The following HPSE2 variants were observed in gnomAD, a reference collection of about 807,000 sequenced individuals.
The protein encoded by HPSE2 is heparanase 2 (inactive).
Under a neutral mutation model 60.5 loss-of-function variants are expected in HPSE2, and 38 were observed. That is an observed-to-expected ratio of 0.63 (90% confidence interval 0.48 to 0.82). HPSE2 has a LOEUF of 0.82. Ranked by LOEUF, HPSE2 falls within the 40% of genes least tolerant of loss-of-function variation. The probability of loss-of-function intolerance (pLI) is 0.00; values close to 1 mark genes in which losing one functional copy is unlikely to be tolerated. For missense variants in HPSE2, 713 were observed against 740.4 expected, an observed-to-expected ratio of 0.96 and a Z score of 0.43; for synonymous variants, 295 against 293.2, an observed-to-expected ratio of 1.01 and a Z score of -0.06.
At chr10:98,588,705 C>A (rs1945004992) in intron 9 of HPSE2, among the ~76,000 whole-genome samples, 1 of 151,790 alleles carries the variant, frequency 6.6e-6, no homozygotes, top group Non-Finnish European at 1.5e-5. Flanking sequence ...TCTAACAGCA[C>A]CCAGCACAGC....
At chr10:98,692,901 G>A (rs1304481571) in intron 6 of HPSE2, among the ~76,000 whole-genome samples, 1 of 152,200 alleles carries the variant, frequency 6.6e-6, no homozygotes, top group East Asian at 1.9e-4. Flanking sequence ...TTGATTGCCA[G>A]CAAACAAAAA....
intron 9 of HPSE2, among the ~76,000 whole-genome samples, chr10:98,614,588 G>A (rs1335221296): frequency 2.0e-5 from 3 of 151,936 alleles, no homozygotes; most frequent in African/African-American, 4.8e-5. Context: ...CACCGTGCCC[G>A]GCCTGGATTG....
At chr10:98,524,643 T>C (rs868737689) in intron 9 of HPSE2, among the ~76,000 whole-genome samples, 12 of 152,352 alleles carry the variant, frequency 7.9e-5, no homozygotes, top group Middle Eastern at 3.4e-3. Context: ...CCTTACTTAT[T>C]AATCTGAAGG....
chr10:98,663,651 G>C (rs1947283362), intron 6 of HPSE2, among the ~76,000 whole-genome samples: 1 of 152,122 alleles, frequency 6.6e-6, no homozygotes, highest in South Asian at 2.1e-4. Flanking sequence ...CAACCACCAG[G>C]TGATCACAGT....
chr10:98,584,050 A>C (rs941155566), intron 9 of HPSE2, among the ~76,000 whole-genome samples: 1 of 152,164 alleles, frequency 6.6e-6, no homozygotes, highest in African/African-American at 2.4e-5. Flanking sequence ...GGCATATGGT[A>C]ACTCTGTTTA....
chr10:98,943,226 T>TATA (rs1203385334), intron 3 of HPSE2, among the ~76,000 whole-genome samples: 5 of 150,656 alleles, frequency 3.3e-5, no homozygotes, highest in Admixed American at 1.3e-4. Flanking sequence ...AAACTTAAAG[T>TATA]ATAATAATAA....
intron 9 of HPSE2, among the ~76,000 whole-genome samples, chr10:98,600,215 G>A (rs1368958460): frequency 6.6e-6 from 1 of 152,112 alleles, no homozygotes; most frequent in African/African-American, 2.4e-5. Flanking sequence ...ATAATGACAA[G>A]TTTACAAATG....
intron 5 of HPSE2, among the ~76,000 whole-genome samples, chr10:98,721,101 G>C (rs769244792): frequency 6.6e-6 from 1 of 151,884 alleles, no homozygotes; most frequent in Non-Finnish European, 1.5e-5. Context: ...AAAAATTCCT[G>C]ATCAGTATCT....
intron 3 of HPSE2, among the ~76,000 whole-genome samples, chr10:98,828,624 G>C (rs960668081): frequency 6.6e-6 from 1 of 152,134 alleles, no homozygotes; most frequent in African/African-American, 2.4e-5. Flanking sequence ...AATCATTCAG[G>C]AAATGCAAAT....
At chr10:99,301,532 C>T in the HPSE2 span, among the ~76,000 whole-genome samples, 7 of 152,220 alleles carry the variant, frequency 4.6e-5, no homozygotes, top group Admixed American at 3.3e-4. Flanking sequence ...CCACATGGAA[C>T]TGTAAGTCCA....
At chr10:99,286,336 A>T in the HPSE2 span, among the ~76,000 whole-genome samples, 1 of 152,226 alleles carries the variant, frequency 6.6e-6, no homozygotes, top group Non-Finnish European at 1.5e-5. Flanking sequence ...CTATCATCAG[A>T]TGAATGGATA....
At chr10:98,782,927 T>TTTA (rs1554993733) in intron 3 of HPSE2, among the ~76,000 whole-genome samples, 63 of 6,572 alleles carry the variant, frequency 9.6e-3, no homozygotes, top group African/African-American at 0.016. Context: ...TTTTTTTTTA[T>TTTA]TTTTTTTTTT....
chr10:99,026,003 CAT>C (rs1957369125), intron 3 of HPSE2, among the ~76,000 whole-genome samples: 1 of 151,864 alleles, frequency 6.6e-6, no homozygotes, highest in African/African-American at 2.4e-5. Flanking sequence ...GAAACTAAAT[CAT>C]GTGAGCGGAG....
At chr10:98,468,534 C>T (rs58323060) in intron 11 of HPSE2, among the ~76,000 whole-genome samples, 1 of 152,130 alleles carries the variant, frequency 6.6e-6, no homozygotes, top group Non-Finnish European at 1.5e-5. Context: ...CACCTGATAA[C>T]AAGCTGGGAG....
At chr10:98,624,358 T>A (rs1946151706) in intron 7 of HPSE2, among the ~76,000 whole-genome samples, 1 of 152,098 alleles carries the variant, frequency 6.6e-6, no homozygotes, top group East Asian at 1.9e-4. Context: ...AGCCTCTTAA[T>A]GGATCTAGAA....
intron 3 of HPSE2, among the ~76,000 whole-genome samples, chr10:98,831,731 G>A (rs115632258): frequency 0.014 from 2,120 of 152,302 alleles, 44 homozygotes; most frequent in African/African-American, 0.048. Context: ...TGAGCCAGGA[G>A]ATCTGGGTAG....
intron 9 of HPSE2, among the ~76,000 whole-genome samples, chr10:98,547,847 A>G (rs1466055156): frequency 6.6e-6 from 1 of 152,172 alleles, no homozygotes; most frequent in Admixed American, 6.6e-5. Flanking sequence ...ACACACACAC[A>G]CACACAAACT....
chr10:99,120,268 G>T (rs536596654), intron 3 of HPSE2, among the ~76,000 whole-genome samples: 1 of 152,132 alleles, frequency 6.6e-6, no homozygotes, highest in African/African-American at 2.4e-5. Context: ...CCATTAAAAA[G>T]TGGGCAAAGG....
intron 2 of HPSE2, among the ~76,000 whole-genome samples, chr10:99,185,411 C>T (rs1331094461): frequency 6.6e-6 from 1 of 152,002 alleles, no homozygotes; most frequent in Non-Finnish European, 1.5e-5. Flanking sequence ...ATCATCATAA[C>T]CGAATTGCCA....
Sources: allele counts gnomAD v4.1 joint callset (sites outside exome capture counted in the v4.1 genomes callset), GRCh38; gene constraint gnomAD v4.1.1; transcripts MANE v1.5; gene names NCBI Gene and HGNC (gene_info 2026-07-23, HGNC 2026-07-21).